DEPDC1B: variants seen among roughly 807,000 people sequenced by gnomAD.
DEPDC1B encodes DEP domain-containing protein 1B.
Under a neutral mutation model 66.5 loss-of-function variants are expected in DEPDC1B, and 51 were observed. That is an observed-to-expected ratio of 0.77 (90% CI 0.61 to 0.97). The LOEUF (loss-of-function observed/expected upper bound fraction) is 0.97, where lower values mean the gene tolerates loss of function less well. DEPDC1B is among the 50% of genes least tolerant of loss of function. The probability of loss-of-function intolerance (pLI) is 0.00; values close to 1 mark genes in which losing one functional copy is unlikely to be tolerated. For synonymous variants in DEPDC1B, 226 were observed against 223.6 expected, an observed-to-expected ratio of 1.01 and a Z score of -0.10; for missense variants, 552 against 637.1, an observed-to-expected ratio of 0.87 and a Z score of 1.44.
At chr5:60,643,315 A>G (rs1340903731) in intron 5 of DEPDC1B, among the ~76,000 whole-genome samples, 2 of 152,208 alleles carry the variant, frequency 1.3e-5, no homozygotes, top group African/African-American at 4.8e-5. Flanking sequence ...ACATGTTTCC[A>G]TTTTCAAAAT....
intron 2 of DEPDC1B, among the ~76,000 whole-genome samples, chr5:60,678,292 G>T (rs1362435005): frequency 1.3e-5 from 2 of 152,058 alleles, no homozygotes; most frequent in Non-Finnish European, 2.9e-5. Flanking sequence ...GTGCTACATT[G>T]TATGGATGTA....
chr5:60,665,643 A>G (rs1406387098), intron 2 of DEPDC1B, among the ~76,000 whole-genome samples: 1 of 152,154 alleles, frequency 6.6e-6, no homozygotes, highest in African/African-American at 2.4e-5. Context: ...AGCAGTTAAG[A>G]GTGGTAGTCG....
intron 7 of DEPDC1B, among the ~76,000 whole-genome samples, chr5:60,619,603 A>G (rs988906292): frequency 5.7e-4 from 87 of 152,344 alleles, no homozygotes; most frequent in African/African-American, 2.0e-3. Context: ...GACCTCTTCA[A>G]GGAGAACTAC....
At chr5:60,617,031 C>T (rs1444087516) in intron 7 of DEPDC1B, among the ~76,000 whole-genome samples, 1 of 152,130 alleles carries the variant, frequency 6.6e-6, no homozygotes, top group Non-Finnish European at 1.5e-5. Context: ...CATATCCAGC[C>T]AAACTAAGCT....
intron 2 of DEPDC1B, among the ~76,000 whole-genome samples, chr5:60,682,304 G>C (rs1754313045): frequency 2.0e-5 from 3 of 152,184 alleles, no homozygotes; most frequent in Non-Finnish European, 2.9e-5. Flanking sequence ...TCATAGGTGG[G>C]AATTGAACAA....
At chr5:60,607,740 G>A (rs990690554) in intron 7 of DEPDC1B, among the ~76,000 whole-genome samples, 6 of 152,306 alleles carry the variant, frequency 3.9e-5, no homozygotes, top group African/African-American at 1.4e-4. Flanking sequence ...CATGTGAGCA[G>A]AGATCCAAAG....
At chr5:60,639,359 T>C (rs1191522157) in intron 6 of DEPDC1B, among the ~76,000 whole-genome samples, 2 of 152,216 alleles carry the variant, frequency 1.3e-5, no homozygotes, top group African/African-American at 4.8e-5. Flanking sequence ...CTTGTTATAT[T>C]ATAAAATCCT....
At chr5:60,647,180 TAA>T (rs1247079559) in intron 3 of DEPDC1B, among the ~76,000 whole-genome samples, 3 of 150,656 alleles carry the variant, frequency 2.0e-5, no homozygotes, top group Non-Finnish European at 4.4e-5. Flanking sequence ...ACTGCTGCCC[TAA>T]ACAATACAGT....
chr5:60,602,560 T>A (rs1377815822), intron 9 of DEPDC1B, among the ~76,000 whole-genome samples: 1 of 152,104 alleles, frequency 6.6e-6, no homozygotes, highest in Non-Finnish European at 1.5e-5. Flanking sequence ...TTACCAGGTT[T>A]CTGCTCCCAC....
intron 6 of DEPDC1B, 52 bp from the exon 7 acceptor site, chr5:60,638,942 A>G (rs1238596693): frequency 6.3e-7 from 1 of 1,587,218 alleles, no homozygotes; most frequent in East Asian, 2.3e-5. Context: ...AATTACCTCT[A>G]AGTATTATTC....
At chr5:60,613,556 G>C (rs2111745957) in intron 7 of DEPDC1B, among the ~76,000 whole-genome samples, 1 of 152,290 alleles carries the variant, frequency 6.6e-6, no homozygotes, top group East Asian at 1.9e-4. Context: ...GACAACAATA[G>C]AGATGTGTCA....
chr5:60,626,988 T>C (rs1410406499), intron 7 of DEPDC1B, among the ~76,000 whole-genome samples: 1 of 152,132 alleles, frequency 6.6e-6, no homozygotes, highest in African/African-American at 2.4e-5. Flanking sequence ...ATAATACTTG[T>C]GAAGTCCTTC....
At chr5:60,617,975 T>G (rs1463217168) in intron 7 of DEPDC1B, among the ~76,000 whole-genome samples, 1 of 152,172 alleles carries the variant, frequency 6.6e-6, no homozygotes, top group Non-Finnish European at 1.5e-5. Context: ...GAACTCAGGA[T>G]TAAGAAACTC....
rs191656182 is a variant in DEPDC1B at position 60,659,639 on chromosome 5, C to T, written c.315-12106G>A. On this transcript the variant is annotated intron_variant, in intron 2 of 10. Coordinates refer to ENST00000265036, the MANE Select transcript of DEPDC1B (RefSeq NM_018369.3). Reference sequence around the variant, plus strand: ...GGCACAGCCAGAAGTCTCTATTCAACCAGCCGCCCATGTATGCGCCCCACC... The same window carrying T: ...GGCACAGCCAGAAGTCTCTATTCAATCAGCCGCCCATGTATGCGCCCCACC... Among the ~76,000 whole-genome samples, 146 of 152,352 alleles carry T rather than the reference C, an allele frequency of 9.6e-4. 1 individual carries two copies. The highest frequency in any genetic ancestry group is 1.6e-3 in the Non-Finnish European group (106 of 68,034).
intron 7 of DEPDC1B, among the ~76,000 whole-genome samples, chr5:60,609,958 A>G (rs1330646452): frequency 6.6e-6 from 1 of 152,214 alleles, no homozygotes; most frequent in African/African-American, 2.4e-5. Context: ...ACCACTTAAT[A>G]TACTACAGAA....
chr5:60,697,213 G>T (rs890417344), intron 1 of DEPDC1B, among the ~76,000 whole-genome samples: 3 of 152,126 alleles, frequency 2.0e-5, no homozygotes, highest in African/African-American at 7.2e-5. Context: ...GCTGTCATTT[G>T]ACTTTTGTCA....
chr5:60,641,581 C>T (rs1255627252), intron 6 of DEPDC1B, among the ~76,000 whole-genome samples: 1 of 152,132 alleles, frequency 6.6e-6, no homozygotes, highest in Non-Finnish European at 1.5e-5. Context: ...CCACCTCGAC[C>T]TCCCAAAGTG....
chr5:60,603,303 C>T, intron 9 of DEPDC1B, 88 bp downstream of exon 9: 1 of 1,249,936 alleles, frequency 8.0e-7, no homozygotes, highest in Non-Finnish European at 1.1e-6. Context: ...TCACTTAATC[C>T]TCATAATAAA....
intron 2 of DEPDC1B, among the ~76,000 whole-genome samples, chr5:60,657,741 C>G (rs1218941091): frequency 6.6e-6 from 1 of 152,220 alleles, no homozygotes; most frequent in African/African-American, 2.4e-5. Flanking sequence ...TTCATCTCGA[C>G]TTTAGATAAT....
Sources: gnomAD v4.1 joint callset for allele counts (sites outside exome capture counted in the v4.1 genomes callset) on GRCh38, gnomAD v4.1.1 for gene constraint, MANE v1.5 for transcripts, NCBI Gene and HGNC (gene_info 2026-07-23, HGNC 2026-07-21) for gene names.